The following CCDC50 variants were observed in gnomAD, a reference collection of about 807,000 sequenced individuals.
CCDC50 encodes the protein coiled-coil domain containing 50.
A neutral mutation model predicts 70.2 loss-of-function variants in CCDC50; 54 were observed. The ratio of observed to expected loss-of-function variants is 0.77; its 90% CI spans 0.62 to 0.96. The LOEUF (loss-of-function observed/expected upper bound fraction) is 0.96. Among genes scored for constraint, CCDC50 ranks in the 50% least tolerant of loss-of-function variants. The pLI, the probability that CCDC50 is intolerant of heterozygous loss-of-function variation, is 0.00. For missense variants in CCDC50, 558 were observed against 578.7 expected, an observed-to-expected ratio of 0.96 and a Z score of 0.37; for synonymous variants, 216 against 198.8, an observed-to-expected ratio of 1.09 and a Z score of -0.73.
chr3:191,381,072 C>T, intron 9 of CCDC50, 140 bp downstream of exon 9: 1 of 720,526 alleles, frequency 1.4e-6, no homozygotes, highest in Non-Finnish European at 2.3e-6. Context: ...TGAATCTGAT[C>T]TGTGAAGATT....
chr3:191,337,086 A>C (rs532390872), intron 1 of CCDC50, among the ~76,000 whole-genome samples: 1 of 152,116 alleles, frequency 6.6e-6, no homozygotes, highest in Non-Finnish European at 1.5e-5. Flanking sequence ...CTGCTTACAT[A>C]CTGTAGAGGC....
intron 10 of CCDC50, among the ~76,000 whole-genome samples, chr3:191,388,492 CTGTG>C (rs1713572136): frequency 1.3e-5 from 2 of 152,172 alleles, no homozygotes; most frequent in Admixed American, 1.3e-4. Flanking sequence ...TTGAGATAAT[CTGTG>C]TAGAACCTGT....
At position 191,375,293 on chromosome 3, in the gene CCDC50, G is replaced by A. The variant is rs371781270; in HGVS notation, c.680G>A (p.Arg227Gln). 55 of 1,613,500 alleles carry A rather than the reference G, an allele frequency of 3.4e-5. No homozygotes were observed. The highest frequency in any genetic ancestry group is 6.7e-5 in the African/African-American group (5 of 74,902). Residue 227 changes from arginine (R) to glutamine (Q), a missense_variant, in exon 6 of 12, where the codon CGG (arginine) becomes CAG (glutamine). By Grantham distance (43) the Arg-to-Gln change is conservative. Transcript: ENST00000392455. Reference protein sequence around the residue: ...HINNEQHERKRSTQERPRRPL... With the variant: ...HINNEQHERKQSTQERPRRPL... The stretch of plus-strand genomic sequence containing the variant: ...AACAATGAGCAGCATGAAAGGAAAC[G>A]GTCCACTCAGGAGAGGCCTCGGAGA...
intron 2 of CCDC50, among the ~76,000 whole-genome samples, chr3:191,357,578 G>C (rs1269581624): frequency 6.6e-6 from 1 of 152,188 alleles, no homozygotes; most frequent in African/African-American, 2.4e-5. Context: ...GTGATGAAAA[G>C]TAAATCTAAG....
chr3:191,368,051 CTTT>C (rs941025900), intron 4 of CCDC50, among the ~76,000 whole-genome samples: 1 of 150,884 alleles, frequency 6.6e-6, no homozygotes, highest in Non-Finnish European at 1.5e-5. Context: ...AGACATTTGG[CTTT>C]TTTTTTAAGA....
chr3:191,338,480 AG>A (rs1711595059), intron 1 of CCDC50, among the ~76,000 whole-genome samples: 1 of 152,166 alleles, frequency 6.6e-6, no homozygotes, highest in African/African-American at 2.4e-5. Context: ...TCTTTTGGAA[AG>A]GGCTATTCAC....
intron 11 of CCDC50, 130 bp downstream of exon 11, chr3:191,389,732 A>G: frequency 1.4e-6 from 1 of 711,444 alleles, no homozygotes; most frequent in Middle Eastern, 3.0e-4. Flanking sequence ...ACATTGTTAT[A>G]GAACTCCTCA....
In CCDC50 at chr3:191,369,960, GA is replaced by G. The variant is rs770256916; in HGVS notation, c.377del (p.Lys126ArgfsTer52). 1 of 1,613,470 alleles carries G rather than the reference GA, an allele frequency of 6.2e-7. No individual in the cohort carries two copies. Among genetic ancestry groups the G allele is most frequent in the South Asian group, 1.1e-5 (1 of 91,074 alleles). Reference sequence around the variant, plus strand: ...TGCAAGAAAAGGAGTTACAGGAAGAGAAAAAGAGAAAGAAACACTTTCCAGA... The same window carrying G: ...TGCAAGAAAAGGAGTTACAGGAAGAGAAAAGAGAAAGAAACACTTTCCAGA... Reference protein sequence around the residue: ...LLQEKELQEEKKRKKHFPEFP... With the variant: ...LLQEKELQEEXKRKKHFPEFP... On this transcript the variant is annotated frameshift_variant, in exon 5 of 12. Transcript: ENST00000392455. LOFTEE classifies it high-confidence loss of function.
At chr3:191,380,380 C>T in intron 7 of CCDC50, 106 bp downstream of exon 7, 1 of 795,090 alleles carries the variant, frequency 1.3e-6, no homozygotes, top group Non-Finnish European at 2.2e-6. Context: ...ATTGAGAAAC[C>T]TTTTTTTATG....
chr3:191,380,292 C>T lies in CCDC50; in HGVS notation c.1092+18C>T. 5.3e-6 allele frequency: 8 copies of T among 1,515,400 alleles called. No homozygotes were observed. The highest frequency in any genetic ancestry group is 7.3e-6 in the Non-Finnish European group (8 of 1,091,384). The allele number at this position is 1,515,400 out of a possible 1,614,324, so 93.9% of individuals were successfully genotyped here. On this transcript the variant is annotated intron_variant, in intron 7 of 11. Coordinates refer to ENST00000392455, the MANE Select transcript of CCDC50 (RefSeq NM_178335.3). ...AACTTTTGGTGAGCAAATTTTAAGG[C>T]AAAAGTTTAGATATATTGATGGGTA...
At chr3:191,341,760 G>A (rs2108635925) in intron 1 of CCDC50, among the ~76,000 whole-genome samples, 1 of 152,290 alleles carries the variant, frequency 6.6e-6, no homozygotes, top group Middle Eastern at 3.4e-3. Context: ...ACTGCATGGA[G>A]AGCCAAAGGG....
chr3:191,369,659 G>C (rs1053334759), intron 4 of CCDC50, among the ~76,000 whole-genome samples: 12 of 152,136 alleles, frequency 7.9e-5, no homozygotes, highest in Non-Finnish European at 1.3e-4. Flanking sequence ...ACCTGCTTTA[G>C]GAAGTACTGA....
rs949031808 is a variant in CCDC50 at position 191,375,545 on chromosome 3, C to T, written c.932C>T (p.Pro311Leu). The T allele has an allele frequency of 9.9e-6, 16 of 1,613,288 alleles. No homozygotes were observed. The Admixed American group carries it at 1.7e-4, about 17-fold the overall frequency. ...AAAAGGAGACACAGGCCCAGGACTCCTCCATTCTCAGAGAGTGAGGAGCAG... is the reference window on the plus strand; with the variant it reads ...AAAAGGAGACACAGGCCCAGGACTCTTCCATTCTCAGAGAGTGAGGAGCAG... ...HRKRRHRPRT[P>L]PFSESEEQLH... Residue 311 changes from proline (P) to leucine (L), a missense_variant, in exon 6 of 12, where the codon CCT (proline) becomes CTT (leucine). Pro to Leu is a moderately conservative substitution (Grantham distance 98). Transcript: ENST00000392455.
chr3:191,329,787 T>C, intron 1 of CCDC50, 64 bp downstream of exon 1: 1 of 1,548,098 alleles, frequency 6.5e-7, no homozygotes, highest in South Asian at 1.2e-5. Flanking sequence ...TTCTCTCAGG[T>C]CAGGGGCGTT....
intron 11 of CCDC50, among the ~76,000 whole-genome samples, chr3:191,389,853 C>CTTTTTTT (rs10635756): frequency 1.2e-3 from 105 of 84,640 alleles, no homozygotes; most frequent in Admixed American, 1.7e-3. Context: ...ATCAAATTCA[C>CTTTTTTT]TTTTTTTTTT....
intron 1 of CCDC50, among the ~76,000 whole-genome samples, chr3:191,345,384 G>A (rs111616412): frequency 2.6e-5 from 4 of 152,102 alleles, no homozygotes; most frequent in South Asian, 2.1e-4. Flanking sequence ...ATCTGTGTTC[G>A]ACAGTTTAAC....
chr3:191,333,459 T>C (rs943903846), intron 1 of CCDC50, among the ~76,000 whole-genome samples: 1 of 152,172 alleles, frequency 6.6e-6, no homozygotes, highest in African/African-American at 2.4e-5. Flanking sequence ...TCTAAACAGA[T>C]GGCAGTGTCC....
intron 1 of CCDC50, among the ~76,000 whole-genome samples, chr3:191,342,351 A>G (rs1301344409): frequency 5.3e-5 from 8 of 152,284 alleles, no homozygotes; most frequent in East Asian, 1.9e-4. Context: ...ATTGCTCTCA[A>G]TCGTTTAAAG....
chr3:191,364,993 G>A, intron 4 of CCDC50, among the ~76,000 whole-genome samples: 1 of 151,946 alleles, frequency 6.6e-6, no homozygotes. Context: ...TGAATTAGTG[G>A]TTAATAAAAA....
Sources: allele counts gnomAD v4.1 joint callset (sites outside exome capture counted in the v4.1 genomes callset), GRCh38; gene constraint gnomAD v4.1.1; transcripts MANE v1.5; gene names NCBI Gene and HGNC (gene_info 2026-07-23, HGNC 2026-07-21).